PAGE2B: variants seen among roughly 807,000 people sequenced by gnomAD.
PAGE2B encodes putative G antigen family E member 3.
In PAGE2B, 5 loss-of-function variants were observed where a neutral mutation model predicts 7.6. That is an observed-to-expected ratio of 0.66 (90% CI 0.34 to 1.38). PAGE2B has a LOEUF of 1.38. Among genes scored for constraint, PAGE2B ranks in the 40% most tolerant of loss-of-function variants. The probability of loss-of-function intolerance (pLI) is 0.04; values close to 1 mark genes in which losing one functional copy is unlikely to be tolerated. For synonymous variants in PAGE2B, 29 were observed against 26.7 expected (o/e 1.09, Z -0.27); for missense variants, 70 against 78.4 (o/e 0.89, Z 0.41).
At chrX:55,037,259 C>T in the PAGE2B span, among the ~76,000 whole-genome samples, 2 of 112,137 alleles carry the variant, frequency 1.8e-5, no homozygotes. Flanking sequence ...ACAGACACTT[C>T]TCAAAAGAAG....
At chrX:55,065,350 A>G in the PAGE2B span, among the ~76,000 whole-genome samples, 483 of 111,349 alleles carry the variant, frequency 4.3e-3, 4 homozygotes, top group African/African-American at 0.015. Flanking sequence ...TGTATTTTGT[A>G]TGATATTAAG....
the PAGE2B span, among the ~76,000 whole-genome samples, chrX:55,039,958 T>TA: frequency 9.0e-5 from 10 of 111,085 alleles, no homozygotes; most frequent in Admixed American, 1.9e-4. Flanking sequence ...AGGAAAATAA[T>TA]AAAAAAATTG....
At chrX:55,038,788 G>T in the PAGE2B span, among the ~76,000 whole-genome samples, 1 of 111,172 alleles carries the variant, frequency 9.0e-6, no homozygotes, top group African/African-American at 3.3e-5. Flanking sequence ...ATATTTTATG[G>T]TTAGAAGTTT....
chrX:55,061,642 T>G, the PAGE2B span, among the ~76,000 whole-genome samples: 1 of 111,052 alleles, frequency 9.0e-6, no homozygotes, highest in Non-Finnish European at 1.9e-5. Flanking sequence ...ATTAAATTAT[T>G]ATTGACTGTA....
At chrX:55,029,727 T>A in the PAGE2B span, among the ~76,000 whole-genome samples, 3 of 112,124 alleles carry the variant, frequency 2.7e-5, no homozygotes, top group African/African-American at 9.7e-5. Context: ...ACCTAATGTG[T>A]GATAATGCTT....
chrX:55,049,907 C>A, the PAGE2B span, among the ~76,000 whole-genome samples: 1 of 111,888 alleles, frequency 8.9e-6, no homozygotes, highest in Non-Finnish European at 1.9e-5. Context: ...GTTAGGATGT[C>A]AATTTTAGAT....
At chrX:55,068,289 A>C in the PAGE2B span, among the ~76,000 whole-genome samples, 1 of 112,287 alleles carries the variant, frequency 8.9e-6, no homozygotes, top group Non-Finnish European at 1.9e-5. Flanking sequence ...CATTTATTAA[A>C]TAGGGAATCC....
chrX:55,076,375 T>G (rs1482238610), intron 2 of PAGE2B, among the ~76,000 whole-genome samples, 194 bp from the exon 3 acceptor site: 1 of 101,064 alleles, frequency 9.9e-6, no homozygotes, highest in Non-Finnish European at 1.9e-5. Context: ...TGTATATATG[T>G]ATGTATGTAT....
chrX:55,035,067 C>T, the PAGE2B span, among the ~76,000 whole-genome samples: 2 of 110,135 alleles, frequency 1.8e-5, no homozygotes, highest in Non-Finnish European at 3.8e-5. Flanking sequence ...GATACCCACC[C>T]AGGTTAAGGG....
upstream of PAGE2B, chrX:55,074,954 G>T (rs1159974173): frequency 1.8e-5 from 2 of 113,549 alleles, no homozygotes; most frequent in Non-Finnish European, 3.7e-5. Context: ...GCACAGACCT[G>T]TTGCTGCACT....
chrX:55,055,794 AT>A, the PAGE2B span: 1 of 113,678 alleles, frequency 8.8e-6, no homozygotes. Flanking sequence ...GTTGTTTTCT[AT>A]TTCCCACAAT....
the PAGE2B span, among the ~76,000 whole-genome samples, chrX:55,040,388 G>T: frequency 1.8e-5 from 2 of 110,195 alleles, no homozygotes; most frequent in Non-Finnish European, 3.8e-5. Context: ...AGAACATGCA[G>T]TCTTTGGTTT....
chrX:55,051,595 T>C, the PAGE2B span, among the ~76,000 whole-genome samples: 9 of 112,373 alleles, frequency 8.0e-5, no homozygotes, highest in East Asian at 1.7e-3. Context: ...TTCCAGGTGA[T>C]TGCATCAGTT....
chrX:55,052,348 A>G, the PAGE2B span, among the ~76,000 whole-genome samples: 3 of 112,322 alleles, frequency 2.7e-5, no homozygotes, highest in African/African-American at 9.7e-5. Flanking sequence ...TCTGACAGAG[A>G]CATTTAAGTC....
chrX:55,063,285 T>A, the PAGE2B span, among the ~76,000 whole-genome samples: 1 of 111,597 alleles, frequency 9.0e-6, no homozygotes, highest in African/African-American at 3.3e-5. Context: ...ATCTTTTACT[T>A]CTTTGGTTAA....
At chrX:55,056,710 G>A in the PAGE2B span, among the ~76,000 whole-genome samples, 2 of 110,928 alleles carry the variant, frequency 1.8e-5, no homozygotes, top group Non-Finnish European at 3.8e-5. Flanking sequence ...TGCAGTGCCC[G>A]AGAGCCTGAG....
the PAGE2B span, among the ~76,000 whole-genome samples, chrX:55,058,147 T>C: frequency 9.0e-6 from 1 of 110,889 alleles, no homozygotes; most frequent in African/African-American, 3.3e-5. Context: ...ATATTTATGC[T>C]GATGTCAACT....
the PAGE2B span, among the ~76,000 whole-genome samples, chrX:55,039,053 T>C: frequency 1.8e-5 from 2 of 111,824 alleles, no homozygotes; most frequent in Admixed American, 1.9e-4. Context: ...AGTAAGATTT[T>C]TGGGGAGGTG....
chrX:55,050,076 A>T, the PAGE2B span, among the ~76,000 whole-genome samples: 5 of 112,578 alleles, frequency 4.4e-5, no homozygotes, highest in Non-Finnish European at 9.4e-5. Flanking sequence ...CCCAGTAGTC[A>T]TTCAGGAGCA....
Sources: gnomAD v4.1 joint callset for allele counts (sites outside exome capture counted in the v4.1 genomes callset) on GRCh38, gnomAD v4.1.1 for gene constraint, MANE v1.5 for transcripts, NCBI Gene and HGNC (gene_info 2026-07-23, HGNC 2026-07-21) for gene names.